NUDT3: variants seen among roughly 807,000 people sequenced by gnomAD.
The protein encoded by NUDT3 is diphosphoinositol polyphosphate phosphohydrolase 1.
NUDT3 carries 9 observed loss-of-function variants against 23.6 expected under a neutral mutation model. The observed-to-expected ratio is 0.38, with a 90% CI of 0.23 to 0.66. The LOEUF is 0.66. Among genes scored for constraint, NUDT3 ranks in the 30% least tolerant of loss-of-function variants. The pLI, the probability that NUDT3 is intolerant of heterozygous loss-of-function variation, is 0.52. For missense variants in NUDT3, 172 were observed against 218.5 expected, an observed-to-expected ratio of 0.79 and a Z score of 1.34; for synonymous variants, 86 against 82.6, an observed-to-expected ratio of 1.04 and a Z score of -0.22.
chr6:34,327,541 A>G (rs1264333882), intron 2 of NUDT3, among the ~76,000 whole-genome samples: 1 of 151,950 alleles, frequency 6.6e-6, no homozygotes, highest in African/African-American at 2.4e-5. Flanking sequence ...AAAAAAAAAA[A>G]AAAGAAAGAA....
intron 2 of NUDT3, among the ~76,000 whole-genome samples, chr6:34,323,114 A>G (rs978976864): frequency 2.6e-5 from 4 of 152,162 alleles, no homozygotes; most frequent in African/African-American, 7.2e-5. Flanking sequence ...GGGAGGGGGG[A>G]AGTTGAAAAA....
chr6:34,311,399 TA>T (rs1470823807), intron 2 of NUDT3, among the ~76,000 whole-genome samples: 1 of 151,978 alleles, frequency 6.6e-6, no homozygotes, highest in African/African-American at 2.4e-5. Flanking sequence ...AAGATCTATA[TA>T]AAAAAACCAC....
chr6:34,310,248 A>G (rs1402379868), intron 2 of NUDT3, among the ~76,000 whole-genome samples: 1 of 151,566 alleles, frequency 6.6e-6, no homozygotes, highest in East Asian at 1.9e-4. Context: ...TAATAACAAA[A>G]GCAGGGTATG....
intron 1 of NUDT3, among the ~76,000 whole-genome samples, chr6:34,349,138 G>A (rs1764428528): frequency 6.6e-6 from 1 of 152,052 alleles, no homozygotes; most frequent in African/African-American, 2.4e-5. Context: ...TGGGCTCAAG[G>A]GATCCTCCTG....
At chr6:34,296,485 G>A (rs1763500918) in intron 2 of NUDT3, among the ~76,000 whole-genome samples, 1 of 151,526 alleles carries the variant, frequency 6.6e-6, no homozygotes, top group Non-Finnish European at 1.5e-5. Context: ...GAGGTGGGAG[G>A]GTTGTTTGGG....
At chr6:34,289,385 G>A (rs1279975777) in intron 4 of NUDT3, among the ~76,000 whole-genome samples, 2 of 151,706 alleles carry the variant, frequency 1.3e-5, no homozygotes, top group Non-Finnish European at 2.9e-5. Context: ...TGAGCAACAT[G>A]GCAAAACTCT....
At chr6:34,367,581 G>A (rs1434129844) in intron 1 of NUDT3, among the ~76,000 whole-genome samples, 2 of 151,144 alleles carry the variant, frequency 1.3e-5, no homozygotes, top group Admixed American at 6.6e-5. Context: ...TTAAACATAA[G>A]TACCGTCCAG....
chr6:34,307,474 G>T (rs1233839973), intron 2 of NUDT3, among the ~76,000 whole-genome samples: 1 of 152,014 alleles, frequency 6.6e-6, no homozygotes, highest in Non-Finnish European at 1.5e-5. Flanking sequence ...TACTCAGGAG[G>T]GTGAGATGGG....
intron 1 of NUDT3, among the ~76,000 whole-genome samples, chr6:34,380,116 T>A (rs1025573627): frequency 6.6e-6 from 1 of 152,164 alleles, no homozygotes; most frequent in Non-Finnish European, 1.5e-5. Flanking sequence ...AAAGTTTCGC[T>A]CTTGTTGCCC....
At chr6:34,297,761 T>A (rs1278944268) in intron 2 of NUDT3, among the ~76,000 whole-genome samples, 18 of 77,530 alleles carry the variant, frequency 2.3e-4, no homozygotes, top group South Asian at 8.9e-4. Context: ...ATATATATAA[T>A]TTTTTTTTTT....
In NUDT3 at chr6:34,281,841, T is replaced by C. The variant is rs1763284221; in HGVS notation, c.*6912A>G. 6.6e-6 allele frequency: 1 copy of C among 152,128 alleles called. No individual in the cohort carries two copies. The highest frequency in any genetic ancestry group is 1.5e-5 in the Non-Finnish European group (1 of 68,010). 9.4% of individuals were successfully genotyped at this position (152,128 alleles called of 1,614,324 possible). A position where few individuals can be genotyped will look rare whatever the true frequency, so the allele number is the denominator to read the frequency against. On this transcript the variant is annotated 3_prime_UTR_variant, in exon 5 of 5. Transcript: ENST00000607016. ...CAAACATGCTCCCAGTCACGAGGGATGGGGTGAGCGGGCAGGTTTCTGTCT... is the reference window on the plus strand; with the variant it reads ...CAAACATGCTCCCAGTCACGAGGGACGGGGTGAGCGGGCAGGTTTCTGTCT...
intron 1 of NUDT3, among the ~76,000 whole-genome samples, chr6:34,384,183 T>A (rs1467587313): frequency 6.6e-6 from 1 of 152,192 alleles, no homozygotes; most frequent in Non-Finnish European, 1.5e-5. Flanking sequence ...CTCTGCCCAC[T>A]GAAGAGCTCC....
intron 2 of NUDT3, among the ~76,000 whole-genome samples, chr6:34,329,524 G>A (rs936837445): frequency 6.6e-5 from 10 of 151,992 alleles, no homozygotes; most frequent in Admixed American, 1.3e-4. Context: ...CAGGTGATCC[G>A]CCTGCCTTGG....
At chr6:34,319,278 T>C (rs1477714325) in intron 2 of NUDT3, among the ~76,000 whole-genome samples, 3 of 152,070 alleles carry the variant, frequency 2.0e-5, no homozygotes, top group African/African-American at 4.8e-5. Context: ...GAAACCAAGG[T>C]TGAGGGCTCA....
intron 2 of NUDT3, among the ~76,000 whole-genome samples, chr6:34,301,429 T>C (rs890498267): frequency 1.3e-5 from 2 of 152,208 alleles, no homozygotes; most frequent in African/African-American, 2.4e-5. Context: ...GCCAACAGAA[T>C]GTAGAAGAAT....
chr6:34,346,573 T>C (rs1172364323), intron 1 of NUDT3, among the ~76,000 whole-genome samples: 2 of 152,190 alleles, frequency 1.3e-5, no homozygotes, highest in Non-Finnish European at 2.9e-5. Context: ...CTAGCAAGTG[T>C]TATTGCTTTG....
rs1208682923 is a variant in NUDT3, at chr6:34,285,723, C to T, written c.*3030G>A. 4 of 152,134 alleles carry T rather than the reference C, an allele frequency of 2.6e-5. No individual in the cohort carries two copies. The highest frequency in any genetic ancestry group is 5.9e-5 in the Non-Finnish European group (4 of 68,042). 9.4% of individuals were successfully genotyped at this position (152,134 alleles called of 1,614,324 possible). On this transcript the variant is annotated 3_prime_UTR_variant, in exon 5 of 5. Coordinates refer to ENST00000607016, the MANE Select transcript of NUDT3 (RefSeq NM_006703.4). ...CTAATCTATCACTAAAGGACTGTGA[C>T]GACATTCTCAATAAAGACAGTCATG...
intron 1 of NUDT3, among the ~76,000 whole-genome samples, chr6:34,355,347 T>TA (rs1764545608): frequency 6.6e-6 from 1 of 152,200 alleles, no homozygotes. Context: ...TTTTAAATGT[T>TA]AAACCAGCCT....
At chr6:34,349,413 T>C (rs2113741407) in intron 1 of NUDT3, among the ~76,000 whole-genome samples, 1 of 151,004 alleles carries the variant, frequency 6.6e-6, no homozygotes, top group East Asian at 1.9e-4. Flanking sequence ...CCAAGGAGAA[T>C]ATGGAGGCGT....
Sources: gnomAD v4.1 joint callset for allele counts (sites outside exome capture counted in the v4.1 genomes callset) on GRCh38, gnomAD v4.1.1 for gene constraint, MANE v1.5 for transcripts, NCBI Gene and HGNC (gene_info 2026-07-23, HGNC 2026-07-21) for gene names.